FREM3: variants seen among roughly 807,000 people sequenced by gnomAD.
FREM3 encodes the protein FRAS1-related extracellular matrix protein 3.
In FREM3, 105 loss-of-function variants were observed where a neutral mutation model predicts 129.1. That is an observed-to-expected ratio of 0.81 (90% CI 0.69 to 0.96). The LOEUF (loss-of-function observed/expected upper bound fraction) is 0.96. Among genes scored for constraint, FREM3 ranks in the 40% least tolerant of loss-of-function variants. The pLI, the probability that FREM3 is intolerant of heterozygous loss-of-function variation, is 0.00. For synonymous variants in FREM3, 1,014 were observed against 1,044.9 expected (o/e 0.97, Z 0.57); for missense variants, 2,593 against 2,666.3 (o/e 0.97, Z 0.61).
At chr4:143,659,147 G>T (rs1227990245) in intron 2 of FREM3, among the ~76,000 whole-genome samples, 2 of 149,678 alleles carry the variant, frequency 1.3e-5, no homozygotes, top group Non-Finnish European at 3.0e-5. Flanking sequence ...TGCACAATGT[G>T]CAGGTTACAT....
intron 2 of FREM3, among the ~76,000 whole-genome samples, chr4:143,664,453 C>T (rs1333120489): frequency 1.3e-5 from 2 of 152,124 alleles, no homozygotes; most frequent in Non-Finnish European, 2.9e-5. Context: ...GAAGTTTTGT[C>T]TCAGAGGAGT....
rs192877683 is a variant in FREM3 at position 143,684,722 on chromosome 4, G to A, written c.5275+8391C>T. On this transcript the variant is annotated intron_variant, in intron 2 of 7. Coordinates refer to ENST00000329798, the MANE Select transcript of FREM3 (RefSeq NM_001168235.2). ...TTAAGCTAATCAGGGAGGGACCAGCGGAAGGCGAAGCCCAATGCAAGGAAA... is the reference window on the plus strand; with the variant it reads ...TTAAGCTAATCAGGGAGGGACCAGCAGAAGGCGAAGCCCAATGCAAGGAAA... Among the ~76,000 whole-genome samples, 104 of 152,318 alleles carry A rather than the reference G, an allele frequency of 6.8e-4. 1 individual carries two copies. The highest frequency in any genetic ancestry group is 6.8e-3 in the Middle Eastern group (2 of 294).
chr4:143,691,514 T>TGCCAA (rs1740470742), intron 2 of FREM3, among the ~76,000 whole-genome samples: 3 of 152,198 alleles, frequency 2.0e-5, no homozygotes, highest in African/African-American at 7.2e-5. Flanking sequence ...AGATGACAGA[T>TGCCAA]TTGCGTTGGC....
intron 2 of FREM3, among the ~76,000 whole-genome samples, chr4:143,644,120 T>A (rs1326184417): frequency 2.0e-5 from 3 of 152,044 alleles, no homozygotes; most frequent in Non-Finnish European, 4.4e-5. Context: ...AAGAGAACAA[T>A]CCAGGCTCTT....
rs1318169528 is a variant in FREM3 at position 143,577,586 on chromosome 4, C to T, written c.*25G>A. On this transcript the variant is annotated 3_prime_UTR_variant, in exon 8 of 8. Coordinates refer to ENST00000329798, the MANE Select transcript of FREM3 (RefSeq NM_001168235.2). ...TCTGTTGTTAGGAGACATATCTTGG[C>T]TGTTTTTTTCCCTCTTAAAGTCTTT... is the stretch of plus-strand genomic sequence containing the variant. 2 of 1,527,026 alleles carry T rather than the reference C, an allele frequency of 1.3e-6. No individual in the cohort carries two copies. The highest frequency in any genetic ancestry group is 1.8e-6 in the Non-Finnish European group (2 of 1,140,536). The allele number at this position is 1,527,026 out of a possible 1,614,324, so 94.6% of individuals were successfully genotyped here. A position where few individuals can be genotyped will look rare whatever the true frequency, so the allele number is the denominator to read the frequency against.
chr4:143,647,296 G>A (rs1739434585), intron 2 of FREM3, among the ~76,000 whole-genome samples: 1 of 152,196 alleles, frequency 6.6e-6, no homozygotes, highest in African/African-American at 2.4e-5. Context: ...AGAAAAGTTT[G>A]GAAAATTTGC....
At chr4:143,613,968 A>AT (rs955213908) in intron 5 of FREM3, among the ~76,000 whole-genome samples, 2 of 152,082 alleles carry the variant, frequency 1.3e-5, no homozygotes, top group African/African-American at 2.4e-5. Flanking sequence ...AGCAATTGAG[A>AT]TTTTTTCTTT....
At chr4:143,663,019 G>T (rs1340628055) in intron 2 of FREM3, among the ~76,000 whole-genome samples, 1 of 152,018 alleles carries the variant, frequency 6.6e-6, no homozygotes, top group African/African-American at 2.4e-5. Context: ...CACACTGATG[G>T]GTCTTGACTC....
rs746013451 is a variant in FREM3 at position 143,577,732 on chromosome 4, T to A, written c.6299A>T (p.Lys2100Met). 1 of 1,537,326 alleles carries A rather than the reference T, an allele frequency of 6.5e-7. No individual in the cohort carries two copies. The highest frequency in any genetic ancestry group is 1.2e-5 in the South Asian group (1 of 84,060). The change falls in exon 8 of 8, where the codon AAG (lysine) becomes ATG (methionine). Residue 2100 changes from lysine to methionine, a missense_variant. By Grantham distance (95) the Lys-to-Met change is moderately conservative. Around this residue, in one of 2 missense-constraint regions of FREM3, gnomAD observed 317 missense variants for 399.0 expected, o/e 0.79. Transcript: ENST00000329798. ...LGQPTLEGPE[K>M]FELLLQMPMG... is the part of the protein sequence containing the mutation. ...AGGCATCTGAAGAAGTAATTCAAAC[T>A]TCTCTGGGCCTTCCAAGGTAGGCTG...
intron 6 of FREM3, among the ~76,000 whole-genome samples, chr4:143,593,992 TG>T (rs911370437): frequency 6.6e-6 from 1 of 152,190 alleles, no homozygotes; most frequent in African/African-American, 2.4e-5. Context: ...GTGCTAGCAA[TG>T]AGCGAGGCTC....
intron 6 of FREM3, among the ~76,000 whole-genome samples, chr4:143,593,311 C>G (rs1446151653): frequency 6.6e-6 from 1 of 152,166 alleles, no homozygotes; most frequent in Non-Finnish European, 1.5e-5. Flanking sequence ...GAGAGGTGCT[C>G]TGATTTTTAG....
intron 2 of FREM3, among the ~76,000 whole-genome samples, chr4:143,690,281 A>G (rs578167186): frequency 6.6e-6 from 1 of 152,306 alleles, no homozygotes; most frequent in East Asian, 1.9e-4. Flanking sequence ...ATGCAAGACT[A>G]CAAGAGTTGA....
At chr4:143,645,725 C>T (rs1739401412) in intron 2 of FREM3, among the ~76,000 whole-genome samples, 1 of 152,200 alleles carries the variant, frequency 6.6e-6, no homozygotes, top group African/African-American at 2.4e-5. Flanking sequence ...CAGTAAATAT[C>T]TATGTTTTAT....
intron 6 of FREM3, among the ~76,000 whole-genome samples, chr4:143,603,951 A>G (rs1174719649): frequency 7.9e-5 from 12 of 152,110 alleles, no homozygotes. Flanking sequence ...TTCCTTCCAA[A>G]TCTCTTATTG....
chr4:143,665,507 T>C (rs1300898688), intron 2 of FREM3, among the ~76,000 whole-genome samples: 2 of 152,132 alleles, frequency 1.3e-5, no homozygotes, highest in African/African-American at 2.4e-5. Flanking sequence ...CAGAATACTG[T>C]TAGGCCATTT....
chr4:143,617,340 C>T (rs1169071845), intron 5 of FREM3, among the ~76,000 whole-genome samples: 1 of 151,958 alleles, frequency 6.6e-6, no homozygotes, highest in Admixed American at 6.6e-5. Flanking sequence ...ATATAGAGAC[C>T]AGGGATGCTG....
chr4:143,632,229 G>A (rs934058955), intron 2 of FREM3, among the ~76,000 whole-genome samples: 7 of 152,058 alleles, frequency 4.6e-5, no homozygotes, highest in African/African-American at 1.7e-4. Context: ...TTCTTGTGTA[G>A]CTTACTTTCC....
At chr4:143,659,140 A>G (rs1739655611) in intron 2 of FREM3, among the ~76,000 whole-genome samples, 2 of 150,272 alleles carry the variant, frequency 1.3e-5, no homozygotes, top group African/African-American at 4.9e-5. Context: ...GTACATGTGC[A>G]CAATGTGCAG....
intron 2 of FREM3, among the ~76,000 whole-genome samples, chr4:143,660,462 T>G (rs907838633): frequency 2.1e-4 from 32 of 152,324 alleles, no homozygotes; most frequent in African/African-American, 2.9e-4. Flanking sequence ...TTGGTACCAG[T>G]ACCATGCTGT....
Sources: allele counts gnomAD v4.1 joint callset (sites outside exome capture counted in the v4.1 genomes callset), GRCh38; gene constraint gnomAD v4.1.1; regional missense constraint gnomAD v4.1.1; transcripts MANE v1.5; gene names NCBI Gene and HGNC (gene_info 2026-07-23, HGNC 2026-07-21).